Variants in KHDRBS2 observed in about 807,000 individuals in gnomAD.
KHDRBS2 encodes KH RNA binding domain containing, signal transduction associated 2, also known as KH domain-containing, RNA-binding, signal transduction-associated protein 2.
A neutral mutation model predicts 44.3 loss-of-function variants in KHDRBS2; 26 were observed. The observed-to-expected ratio is 0.59, with a 90% confidence interval of 0.43 to 0.81. The LOEUF (loss-of-function observed/expected upper bound fraction) is 0.81, where lower values mean the gene tolerates loss of function less well. KHDRBS2 is among the 40% of genes least tolerant of loss of function. The pLI is 0.00. For synonymous variants in KHDRBS2, 194 were observed against 151.1 expected (o/e 1.28, Z -2.08); for missense variants, 476 against 433.1 (o/e 1.10, Z -0.88).
rs373676070 is a variant in KHDRBS2 at position 61,978,201 on chromosome 6, T to C, written c.348A>G (p.Leu116=). 2.5e-6 allele frequency: 4 copies of C among 1,602,708 alleles called. No homozygotes were observed. Among genetic ancestry groups the C allele is most frequent in the African/African-American group, 2.7e-5 (2 of 74,226 alleles). ...SMRDKAKEEE[L]RKSGEAKYAH... ...CATATTTGGCTTCCCCACTCTTCCT[T>C]AGTTCTTCTTCCTGTGAAAAAGGTT... Residue 116 remains leucine (L), a synonymous_variant, in exon 4 of 9, where the codon CTA becomes CTG. Coordinates refer to ENST00000281156, the MANE Select transcript of KHDRBS2 (RefSeq NM_152688.4).
chr6:62,071,716 C>G (rs1232567689), intron 2 of KHDRBS2, among the ~76,000 whole-genome samples: 1 of 152,134 alleles, frequency 6.6e-6, no homozygotes, highest in African/African-American at 2.4e-5. Context: ...GTTTTGGTAC[C>G]AGTACCATGC....
the KHDRBS2 span, among the ~76,000 whole-genome samples, chr6:61,639,032 T>C: frequency 6.6e-6 from 1 of 152,104 alleles, no homozygotes; most frequent in Non-Finnish European, 1.5e-5. Context: ...TTGGGCAAAA[T>C]AAAACATTAA....
chr6:62,087,362 T>A (rs1798588794), intron 2 of KHDRBS2, among the ~76,000 whole-genome samples: 2 of 151,680 alleles, frequency 1.3e-5, no homozygotes, highest in Non-Finnish European at 2.9e-5. Flanking sequence ...ATCTAAAAAA[T>A]TAGATTTTAA....
chr6:62,129,354 A>G (rs1188931899), intron 2 of KHDRBS2, among the ~76,000 whole-genome samples: 2 of 152,166 alleles, frequency 1.3e-5, no homozygotes, highest in Non-Finnish European at 2.9e-5. Context: ...ACAGGTACAG[A>G]GAGGAAAGTT....
intron 6 of KHDRBS2, among the ~76,000 whole-genome samples, chr6:61,808,953 A>ATG (rs1046545459): frequency 7.9e-5 from 12 of 152,096 alleles, no homozygotes; most frequent in African/African-American, 2.9e-4. Context: ...TTGGCATAAA[A>ATG]TGTGTTTAGA....
the KHDRBS2 span, among the ~76,000 whole-genome samples, chr6:61,580,429 C>A: frequency 3.3e-5 from 5 of 152,260 alleles, no homozygotes; most frequent in East Asian, 7.7e-4. Context: ...TAAGGGAATA[C>A]AGGCTGCCCT....
At chr6:61,548,020 A>G in the KHDRBS2 span, among the ~76,000 whole-genome samples, 1 of 152,268 alleles carries the variant, frequency 6.6e-6, no homozygotes, top group East Asian at 1.9e-4. Flanking sequence ...ATATGCACCA[A>G]CTCTGACTGA....
At chr6:61,877,925 T>C (rs981652653) in intron 6 of KHDRBS2, among the ~76,000 whole-genome samples, 5 of 151,980 alleles carry the variant, frequency 3.3e-5, no homozygotes, top group Non-Finnish European at 5.9e-5. Context: ...GAAGATTTTA[T>C]CATTATGTGG....
chr6:62,143,465 A>G (rs1404092767), intron 2 of KHDRBS2, among the ~76,000 whole-genome samples: 12 of 151,998 alleles, frequency 7.9e-5, no homozygotes, highest in Admixed American at 7.9e-4. Context: ...ATTGGGCTGC[A>G]ATATCTCTGT....
chr6:62,256,529 C>T (rs898166618), intron 1 of KHDRBS2, among the ~76,000 whole-genome samples: 2 of 151,988 alleles, frequency 1.3e-5, no homozygotes, highest in African/African-American at 4.8e-5. Context: ...CCACATGAGA[C>T]GTGCATTTCA....
intron 2 of KHDRBS2, among the ~76,000 whole-genome samples, chr6:62,057,466 G>C (rs973465136): frequency 6.6e-6 from 1 of 151,912 alleles, no homozygotes; most frequent in Non-Finnish European, 1.5e-5. Flanking sequence ...GTTCTACTAA[G>C]ATTTTTTTCC....
intron 8 of KHDRBS2, among the ~76,000 whole-genome samples, chr6:61,685,524 AT>A (rs1390136948): frequency 6.6e-6 from 1 of 151,842 alleles, no homozygotes; most frequent in African/African-American, 2.4e-5. Context: ...GTATATGTCA[AT>A]ATTTCTTTCA....
chr6:61,820,392 A>G (rs1390552576), intron 6 of KHDRBS2, among the ~76,000 whole-genome samples: 1 of 151,966 alleles, frequency 6.6e-6, no homozygotes, highest in Admixed American at 6.6e-5. Context: ...ATAGAATGAA[A>G]TATAAGATTT....
At chr6:61,646,815 T>TTTTA in the KHDRBS2 span, among the ~76,000 whole-genome samples, 1 of 152,134 alleles carries the variant, frequency 6.6e-6, no homozygotes, top group South Asian at 2.1e-4. Flanking sequence ...TATGCTACAA[T>TTTTA]TTTATTTATT....
At chr6:61,561,911 C>T in the KHDRBS2 span, among the ~76,000 whole-genome samples, 2 of 152,102 alleles carry the variant, frequency 1.3e-5, no homozygotes, top group Admixed American at 1.3e-4. Context: ...ACTTAGATAC[C>T]AAGATATTTG....
chr6:62,102,282 A>C (rs888969853), intron 2 of KHDRBS2, among the ~76,000 whole-genome samples: 33 of 152,194 alleles, frequency 2.2e-4, no homozygotes, highest in Non-Finnish European at 4.1e-4. Context: ...ATTGCTATGA[A>C]GAAATACCCA....
intron 6 of KHDRBS2, among the ~76,000 whole-genome samples, chr6:61,876,539 A>C (rs1372782597): frequency 6.6e-6 from 1 of 152,014 alleles, no homozygotes; most frequent in Admixed American, 6.6e-5. Context: ...TTTATCATTT[A>C]GCAAGACACT....
At chr6:61,585,702 T>G in the KHDRBS2 span, among the ~76,000 whole-genome samples, 1 of 152,116 alleles carries the variant, frequency 6.6e-6, no homozygotes, top group Non-Finnish European at 1.5e-5. Flanking sequence ...TTTTGCCCAC[T>G]CAGCATCTAT....
At chr6:61,663,058 T>C in the KHDRBS2 span, among the ~76,000 whole-genome samples, 1 of 151,858 alleles carries the variant, frequency 6.6e-6, no homozygotes, top group Admixed American at 6.6e-5. Context: ...CACCACGGAA[T>C]ACTATGCAGC....
Sources: gnomAD v4.1 joint callset for allele counts (sites outside exome capture counted in the v4.1 genomes callset) on GRCh38, gnomAD v4.1.1 for gene constraint, MANE v1.5 for transcripts, NCBI Gene and HGNC (gene_info 2026-07-23, HGNC 2026-07-21) for gene names.